The following NR3C2 variants were observed in gnomAD, a reference collection of about 807,000 sequenced individuals.
NR3C2 encodes nuclear receptor subfamily 3 group C member 2.
In NR3C2, 15 loss-of-function variants were observed where a neutral mutation model predicts 86.4. The ratio of observed to expected loss-of-function variants is 0.17; its 90% CI spans 0.12 to 0.27. The LOEUF is 0.27. Ranked by LOEUF, NR3C2 falls within the 10% of genes least tolerant of loss-of-function variation. The pLI is 1.00. For missense variants in NR3C2, 960 were observed against 1,195.6 expected, an observed-to-expected ratio of 0.80 and a Z score of 2.91; for synonymous variants, 458 against 450.5, an observed-to-expected ratio of 1.02 and a Z score of -0.21.
chr4:148,169,155 T>C (rs1390558025), intron 4 of NR3C2, among the ~76,000 whole-genome samples: 1 of 152,196 alleles, frequency 6.6e-6, no homozygotes, highest in Non-Finnish European at 1.5e-5. Context: ...ACGATGACCA[T>C]ATTGCCTTCA....
intron 2 of NR3C2, among the ~76,000 whole-genome samples, chr4:148,431,963 T>C (rs72953970): frequency 0.15 from 23,425 of 151,988 alleles, 4,364 homozygotes; most frequent in African/African-American, 0.45. Flanking sequence ...TGCTACTGTA[T>C]TGGAAATTAA....
chr4:148,349,251 G>A (rs1206648968), intron 2 of NR3C2, among the ~76,000 whole-genome samples: 1 of 152,046 alleles, frequency 6.6e-6, no homozygotes, highest in African/African-American at 2.4e-5. Flanking sequence ...GACGCAAAAT[G>A]AGTCTTCACA....
At chr4:148,196,239 G>A (rs4835501) in intron 3 of NR3C2, among the ~76,000 whole-genome samples, 112,660 of 152,030 alleles carry the variant, frequency 0.74, 42,794 homozygotes, top group African/African-American at 0.92. Flanking sequence ...AGAAAAAGGG[G>A]ACTGTCATTA....
chr4:148,399,659 ATC>A (rs971639572), intron 2 of NR3C2, among the ~76,000 whole-genome samples: 27 of 149,700 alleles, frequency 1.8e-4, no homozygotes, highest in Non-Finnish European at 3.4e-4. Context: ...ACTCTCCATC[ATC>A]GACAAAGTTT....
chr4:148,135,524 C>T (rs1038733828), intron 6 of NR3C2, among the ~76,000 whole-genome samples: 1 of 152,132 alleles, frequency 6.6e-6, no homozygotes. Flanking sequence ...AAATAAATTT[C>T]TATTGTTTAT....
chr4:148,213,137 G>GT (rs11335509), intron 3 of NR3C2, among the ~76,000 whole-genome samples: 1,586 of 146,980 alleles, frequency 0.011, 7 homozygotes, highest in Middle Eastern at 0.018. Flanking sequence ...ACAATGATGG[G>GT]TTTTTTTTTT....
At chr4:148,355,707 T>TA (rs1301181890) in intron 2 of NR3C2, among the ~76,000 whole-genome samples, 2 of 152,174 alleles carry the variant, frequency 1.3e-5, no homozygotes, top group Admixed American at 1.3e-4. Context: ...GAAACTGAGC[T>TA]AAAGCTAGGA....
At chr4:148,114,948 C>T (rs751737730) in intron 7 of NR3C2, among the ~76,000 whole-genome samples, 26 of 152,128 alleles carry the variant, frequency 1.7e-4, no homozygotes, top group Non-Finnish European at 7.3e-5. Flanking sequence ...GACCTTCCAG[C>T]ACAAGCCCAT....
chr4:148,132,336 C>T (rs1185652824), intron 6 of NR3C2, among the ~76,000 whole-genome samples: 1 of 152,156 alleles, frequency 6.6e-6, no homozygotes, highest in Non-Finnish European at 1.5e-5. Flanking sequence ...TTCAGGACTG[C>T]TTATTGTATC....
chr4:148,391,331 T>G (rs900257469), intron 2 of NR3C2, among the ~76,000 whole-genome samples: 2 of 152,176 alleles, frequency 1.3e-5, no homozygotes. Flanking sequence ...TACAATAATA[T>G]GAAAAAAATC....
chr4:148,374,327 T>C (rs2126403753), intron 2 of NR3C2, among the ~76,000 whole-genome samples: 1 of 152,232 alleles, frequency 6.6e-6, no homozygotes, highest in South Asian at 2.1e-4. Context: ...AAAGGCAAAA[T>C]AATCATAGAA....
chr4:148,366,579 C>T (rs1579211905), intron 2 of NR3C2, among the ~76,000 whole-genome samples: 1 of 148,208 alleles, frequency 6.7e-6, no homozygotes, highest in East Asian at 2.0e-4. Context: ...ACCAATTCAA[C>T]AAAGTCTAAA....
At chr4:148,305,846 A>C (rs1742588639) in intron 2 of NR3C2, among the ~76,000 whole-genome samples, 1 of 152,210 alleles carries the variant, frequency 6.6e-6, no homozygotes, top group Admixed American at 6.5e-5. Flanking sequence ...AACTCATAGA[A>C]GTTATTAATT....
At chr4:148,219,735 GA>G (rs1293554247) in intron 3 of NR3C2, among the ~76,000 whole-genome samples, 1 of 152,070 alleles carries the variant, frequency 6.6e-6, no homozygotes, top group African/African-American at 2.4e-5. Flanking sequence ...GGTTTGCAAA[GA>G]TATAAAACAA....
chr4:148,082,147 A>C (rs6535577), intron 8 of NR3C2, among the ~76,000 whole-genome samples: 86,088 of 152,154 alleles, frequency 0.57, 24,942 homozygotes, highest in East Asian at 0.82. Context: ...AGACAGTGAA[A>C]TACATCAAGG....
At chr4:148,359,570 T>C (rs1745738090) in intron 2 of NR3C2, among the ~76,000 whole-genome samples, 1 of 152,220 alleles carries the variant, frequency 6.6e-6, no homozygotes, top group African/African-American at 2.4e-5. Context: ...TAGTCATCAG[T>C]ACATCTTTCA....
intron 3 of NR3C2, among the ~76,000 whole-genome samples, chr4:148,240,116 T>C (rs923777917): frequency 6.6e-6 from 1 of 151,930 alleles, no homozygotes; most frequent in Non-Finnish European, 1.5e-5. Context: ...TTTAGTAGTA[T>C]ATTTTTATTT....
rs187219661 is a variant in NR3C2 at position 148,203,796 on chromosome 4, A to G, written c.1898-8934T>C. The stretch of plus-strand genomic sequence containing the variant: ...CAGTTAAAACCAGTTTGGTCTGCCC[A>G]TAATAAACCAATGAACAATGATCCC... On this transcript the variant is annotated intron_variant, in intron 3 of 8. Coordinates refer to ENST00000358102, the MANE Select transcript of NR3C2 (RefSeq NM_000901.5). 5.1e-4 allele frequency among the ~76,000 whole-genome samples: 77 copies of G among 152,286 alleles called. 1 individual carries two copies. Among genetic ancestry groups the G allele is most frequent in the Non-Finnish European group, 7.8e-4 (53 of 68,018 alleles).
intron 2 of NR3C2, among the ~76,000 whole-genome samples, chr4:148,319,111 C>G (rs1269552313): frequency 2.0e-5 from 3 of 151,542 alleles, no homozygotes; most frequent in African/African-American, 7.3e-5. Flanking sequence ...CCAGTTTTCC[C>G]AGCACCATTT....
Sources: allele counts gnomAD v4.1 joint callset (sites outside exome capture counted in the v4.1 genomes callset), GRCh38; gene constraint gnomAD v4.1.1; transcripts MANE v1.5; gene names NCBI Gene and HGNC (gene_info 2026-07-23, HGNC 2026-07-21).